Variants in MSRA observed in about 807,000 individuals in gnomAD.
MSRA encodes the protein mitochondrial peptide methionine sulfoxide reductase.
Under a neutral mutation model 31.3 loss-of-function variants are expected in MSRA, and 54 were observed. That is an observed-to-expected ratio of 1.73 (90% CI 1.39 to 2.17). The LOEUF (loss-of-function observed/expected upper bound fraction) is 2.17, where lower values mean the gene tolerates loss of function less well. MSRA is among the 30% of genes most tolerant of loss of function. The pLI is 0.00. For missense variants in MSRA, 507 were observed against 300.9 expected (o/e 1.69, Z -5.07); for synonymous variants, 169 against 116.5 (o/e 1.45, Z -2.90).
intron 1 of MSRA, among the ~76,000 whole-genome samples, chr8:10,188,363 A>G (rs1563197727): frequency 1.3e-5 from 2 of 152,212 alleles, no homozygotes; most frequent in Non-Finnish European, 1.5e-5. Context: ...GTTATCGTTT[A>G]ACAGTCACAT....
chr8:10,214,290 C>G (rs1809783985), intron 2 of MSRA, among the ~76,000 whole-genome samples: 1 of 152,102 alleles, frequency 6.6e-6, no homozygotes, highest in East Asian at 1.9e-4. Flanking sequence ...ACTTGTCCCT[C>G]TCTGGGGTAC....
At position 10,330,998 on chromosome 8, in the gene MSRA, T is replaced by C. The variant is rs185726094; in HGVS notation, c.543+11009T>C. On this transcript the variant is annotated intron_variant, in intron 5 of 5. Transcript: ENST00000317173. ...TCCCGTGATGGGACTGCTGTCCTTA[T>C]ACGAAGAGACACCAGGGAGCAGGCT... is the stretch of plus-strand genomic sequence containing the variant. Among the ~76,000 whole-genome samples the C allele has an allele frequency of 4.6e-5, 7 of 152,292 alleles. No individual in the cohort carries two copies. In the East Asian group the frequency reaches 7.7e-4, roughly 17 times the overall value.
At chr8:10,092,982 C>T (rs1798932003) in intron 1 of MSRA, among the ~76,000 whole-genome samples, 1 of 152,062 alleles carries the variant, frequency 6.6e-6, no homozygotes, top group Non-Finnish European at 1.5e-5. Context: ...GTCTGTTTTG[C>T]TTGTTAGTAT....
intron 1 of MSRA, among the ~76,000 whole-genome samples, chr8:10,126,632 C>A (rs1801517936): frequency 6.6e-6 from 1 of 152,166 alleles, no homozygotes; most frequent in South Asian, 2.1e-4. Flanking sequence ...CGTGCCTCAG[C>A]CTCACAAGTA....
chr8:10,147,011 T>C (rs995628713), intron 1 of MSRA, among the ~76,000 whole-genome samples: 3 of 152,130 alleles, frequency 2.0e-5, no homozygotes, highest in Non-Finnish European at 2.9e-5. Context: ...TGGGGCCTTG[T>C]TGGGTTACCG....
intron 5 of MSRA, among the ~76,000 whole-genome samples, chr8:10,420,218 C>CT (rs56115529): frequency 0.53 from 79,947 of 151,690 alleles, 22,788 homozygotes; most frequent in Non-Finnish European, 0.65. Context: ...TATGAGGGAG[C>CT]TAGAGGAGTC....
intron 5 of MSRA, among the ~76,000 whole-genome samples, chr8:10,373,486 C>G (rs1805590405): frequency 6.6e-6 from 1 of 152,252 alleles, no homozygotes. Context: ...ATCCTCCTGC[C>G]TTGGCCTCCG....
chr8:10,213,220 A>G (rs1000543939), intron 2 of MSRA, among the ~76,000 whole-genome samples: 2 of 152,046 alleles, frequency 1.3e-5, no homozygotes, highest in African/African-American at 4.8e-5. Context: ...GCCTTTGGTA[A>G]CCATCATTCT....
At chr8:10,316,828 C>G (rs1801754638) in intron 4 of MSRA, among the ~76,000 whole-genome samples, 1 of 152,158 alleles carries the variant, frequency 6.6e-6, no homozygotes, top group Non-Finnish European at 1.5e-5. Context: ...AGGATAGAGG[C>G]TCATCCACCT....
intron 1 of MSRA, among the ~76,000 whole-genome samples, chr8:10,192,363 G>C (rs1056765553): frequency 8.5e-5 from 13 of 152,216 alleles, no homozygotes; most frequent in Non-Finnish European, 1.6e-4. Flanking sequence ...CCAGTGAGCG[G>C]TAGAGTGGAT....
intron 5 of MSRA, among the ~76,000 whole-genome samples, chr8:10,379,025 T>G (rs1327489492): frequency 1.3e-5 from 2 of 152,268 alleles, no homozygotes; most frequent in Non-Finnish European, 2.9e-5. Flanking sequence ...GACATGCTTA[T>G]GTTGGACTTT....
At chr8:10,280,824 T>C (rs1424327325) in intron 3 of MSRA, among the ~76,000 whole-genome samples, 2 of 152,226 alleles carry the variant, frequency 1.3e-5, no homozygotes, top group Non-Finnish European at 2.9e-5. Context: ...GGTATACACG[T>C]ACAACAGCGT....
chr8:10,082,777 T>G (rs1798359727), intron 1 of MSRA, among the ~76,000 whole-genome samples: 1 of 152,176 alleles, frequency 6.6e-6, no homozygotes, highest in Non-Finnish European at 1.5e-5. Flanking sequence ...TGGTTGTGTT[T>G]TATTCCACCC....
intron 3 of MSRA, among the ~76,000 whole-genome samples, chr8:10,267,721 C>G (rs144178301): frequency 9.3e-4 from 141 of 152,254 alleles, no homozygotes; most frequent in African/African-American, 3.3e-3. Context: ...GTCACTTAGT[C>G]TCTCCCGACA....
chr8:10,423,117 C>T (rs1036176756), intron 5 of MSRA, among the ~76,000 whole-genome samples: 2 of 152,148 alleles, frequency 1.3e-5, no homozygotes, highest in African/African-American at 2.4e-5. Flanking sequence ...AATGGTCAGC[C>T]GTTTTTATGG....
rs1585716247 is a variant in MSRA, at chr8:10,410,617, A to T, written c.544-17531A>T. 2.0e-5 allele frequency among the ~76,000 whole-genome samples: 3 copies of T among 152,168 alleles called. No homozygotes were observed. The East Asian group carries it at 5.8e-4, about 29-fold the overall frequency. On this transcript the variant is annotated intron_variant, in intron 5 of 5. Coordinates refer to ENST00000317173, the MANE Select transcript of MSRA (RefSeq NM_012331.5). ...GGCCAAGCCTCAAGGTCAGCTCCTGAAGGTCATGCTGTTTGGCAGAACCAG... is the reference window on the plus strand; with the variant it reads ...GGCCAAGCCTCAAGGTCAGCTCCTGTAGGTCATGCTGTTTGGCAGAACCAG...
chr8:10,334,604 C>T (rs950673065), intron 5 of MSRA, among the ~76,000 whole-genome samples: 6 of 152,112 alleles, frequency 3.9e-5, no homozygotes, highest in African/African-American at 1.2e-4. Context: ...GCGGGACGCC[C>T]GCTTGCATTT....
At position 10,268,119 on chromosome 8, in the gene MSRA, C is replaced by CT. The variant is rs560648548; in HGVS notation, c.331+22897dup. Among the ~76,000 whole-genome samples the CT allele has an allele frequency of 8.3e-3, 1,271 of 152,292 alleles. 11 individuals carry two copies. Among genetic ancestry groups the CT allele is most frequent in the Non-Finnish European group, 0.014 (925 of 68,020 alleles). ...TCATAAGCATTTGATGAATAAACAA[C>CT]TAAATGAATACATATGAAGATGAGC... On this transcript the variant is annotated intron_variant, in intron 3 of 5. Transcript: ENST00000317173.
In MSRA at chr8:10,096,115, A is replaced by T. The variant is rs549487423; in HGVS notation, c.142+41457A>T. 3.0e-5 allele frequency: 39 copies of T among 1,291,514 alleles called. No homozygotes were observed. The African/African-American group carries it at 5.6e-4, about 18-fold the overall frequency. 80.0% of individuals were successfully genotyped at this position (1,291,514 alleles called of 1,614,324 possible). ...CATTAACTTTTCAAGGAGCCTTTCT[A>T]AGATTTTATGCAGCCCAGCCAGGAA... On this transcript the variant is annotated intron_variant, in intron 1 of 5. Transcript: ENST00000317173.
Sources: gnomAD v4.1 joint callset for allele counts (sites outside exome capture counted in the v4.1 genomes callset) on GRCh38, gnomAD v4.1.1 for gene constraint, MANE v1.5 for transcripts, NCBI Gene and HGNC (gene_info 2026-07-23, HGNC 2026-07-21) for gene names.